The following ZNF804A variants were observed in gnomAD, a reference collection of about 807,000 sequenced individuals.
ZNF804A encodes the protein zinc finger protein 804A.
A neutral mutation model predicts 16.5 loss-of-function variants in ZNF804A; 2 were observed. That is an observed-to-expected ratio of 0.12 (90% CI 0.05 to 0.38). The LOEUF (loss-of-function observed/expected upper bound fraction) is 0.38. Among genes scored for constraint, ZNF804A ranks in the 10% least tolerant of loss-of-function variants. ZNF804A has a pLI of 0.99. For synonymous variants in ZNF804A, 534 were observed against 489.6 expected (o/e 1.09, Z -1.20); for missense variants, 1,473 against 1,390.7 (o/e 1.06, Z -0.94).
At chr2:184,757,384 C>T (rs774918180) in intron 1 of ZNF804A, among the ~76,000 whole-genome samples, 2 of 151,864 alleles carry the variant, frequency 1.3e-5, no homozygotes, top group African/African-American at 4.8e-5. Flanking sequence ...GCAGGTTACA[C>T]TTCCTTCATC....
At chr2:184,816,615 G>A (rs961065652) in intron 1 of ZNF804A, among the ~76,000 whole-genome samples, 1 of 151,808 alleles carries the variant, frequency 6.6e-6, no homozygotes, top group East Asian at 1.9e-4. Context: ...CCATAAACAT[G>A]GTCAAAACTG....
rs565145249 is a variant in ZNF804A, at chr2:184,901,326, A to G, written c.256-32277A>G. On this transcript the variant is annotated intron_variant, in intron 2 of 3. Coordinates refer to ENST00000302277, the MANE Select transcript of ZNF804A (RefSeq NM_194250.2). ...CTTCAGATCATAATGCAGGTCTGAAACTTGTTTAGAAGAGAGTGAAGGGAA... is the reference window on the plus strand; with the variant it reads ...CTTCAGATCATAATGCAGGTCTGAAGCTTGTTTAGAAGAGAGTGAAGGGAA... Among the ~76,000 whole-genome samples the G allele has an allele frequency of 8.5e-5, 13 of 152,262 alleles. 1 individual carries two copies. The highest frequency in any genetic ancestry group is 3.1e-4 in the African/African-American group (13 of 41,568).
intron 1 of ZNF804A, among the ~76,000 whole-genome samples, chr2:184,672,652 T>G (rs1177456096): frequency 1.3e-5 from 2 of 152,336 alleles, no homozygotes; most frequent in African/African-American, 4.8e-5. Flanking sequence ...CATAGTAGTT[T>G]TGTGAGAACA....
intron 1 of ZNF804A, among the ~76,000 whole-genome samples, chr2:184,822,358 A>G (rs1033655351): frequency 6.6e-6 from 1 of 152,118 alleles, no homozygotes; most frequent in Admixed American, 6.6e-5. Context: ...GAACTGATCT[A>G]TGAAAACATC....
intron 1 of ZNF804A, among the ~76,000 whole-genome samples, chr2:184,660,610 CTA>C (rs1216880585): frequency 2.6e-5 from 4 of 152,184 alleles, no homozygotes; most frequent in Admixed American, 6.5e-5. Flanking sequence ...ATCTCTCATA[CTA>C]TGTCAAATGT....
intron 1 of ZNF804A, among the ~76,000 whole-genome samples, chr2:184,762,162 C>G (rs1001464609): frequency 1.3e-5 from 2 of 150,706 alleles, no homozygotes; most frequent in Admixed American, 6.6e-5. Context: ...TCTGATTTCT[C>G]TGTTTTGGAT....
intron 1 of ZNF804A, among the ~76,000 whole-genome samples, chr2:184,639,612 A>T (rs1174358773): frequency 2.0e-5 from 3 of 152,234 alleles, no homozygotes. Context: ...AAAATATATT[A>T]AAATAACAAA....
intron 1 of ZNF804A, among the ~76,000 whole-genome samples, chr2:184,659,547 TTATGA>T: frequency 6.6e-6 from 1 of 152,118 alleles, no homozygotes; most frequent in Non-Finnish European, 1.5e-5. Context: ...TAAAAACACA[TTATGA>T]TATAGATATT....
chr2:184,786,110 A>T (rs1694445657), intron 1 of ZNF804A, among the ~76,000 whole-genome samples: 1 of 152,066 alleles, frequency 6.6e-6, no homozygotes, highest in Non-Finnish European at 1.5e-5. Context: ...TTCCAAAGAA[A>T]ATCCTAACTC....
chr2:184,876,432 G>A (rs184874718), intron 2 of ZNF804A, among the ~76,000 whole-genome samples: 5 of 151,876 alleles, frequency 3.3e-5, no homozygotes. Flanking sequence ...TTGAACTTCT[G>A]ATGGTTTTTA....
At chr2:184,784,381 A>G (rs1054412952) in intron 1 of ZNF804A, among the ~76,000 whole-genome samples, 1 of 152,016 alleles carries the variant, frequency 6.6e-6, no homozygotes, top group Non-Finnish European at 1.5e-5. Context: ...CATACTACAT[A>G]TTACTATATT....
chr2:184,742,729 T>G (rs1693727135), intron 1 of ZNF804A, among the ~76,000 whole-genome samples: 1 of 151,428 alleles, frequency 6.6e-6, no homozygotes, highest in African/African-American at 2.4e-5. Context: ...AATAGATAAA[T>G]AAATATATAT....
chr2:184,736,800 C>T (rs1001124829), intron 1 of ZNF804A, among the ~76,000 whole-genome samples: 2 of 150,000 alleles, frequency 1.3e-5, no homozygotes, highest in Admixed American at 6.6e-5. Context: ...TAGGTGATCT[C>T]ATTTATAAAT....
intron 1 of ZNF804A, among the ~76,000 whole-genome samples, chr2:184,854,140 G>C (rs2105805591): frequency 6.6e-6 from 1 of 151,886 alleles, no homozygotes; most frequent in Non-Finnish European, 1.5e-5. Flanking sequence ...ATTACAGGTG[G>C]AGTGTCCCTA....
intron 1 of ZNF804A, among the ~76,000 whole-genome samples, chr2:184,789,642 T>G (rs1694502973): frequency 6.6e-6 from 1 of 152,160 alleles, no homozygotes; most frequent in African/African-American, 2.4e-5. Flanking sequence ...CATAGAAATC[T>G]CTGATGATCT....
intron 1 of ZNF804A, among the ~76,000 whole-genome samples, chr2:184,622,854 C>T (rs1691440292): frequency 6.6e-6 from 1 of 151,828 alleles, no homozygotes; most frequent in South Asian, 2.1e-4. Context: ...TTTTCAGTGC[C>T]TATAAGTGTA....
chr2:184,882,521 A>C (rs1403994811), intron 2 of ZNF804A, among the ~76,000 whole-genome samples: 1 of 152,050 alleles, frequency 6.6e-6, no homozygotes, highest in Admixed American at 6.6e-5. Context: ...TCATTTTCAC[A>C]TGGCACATAC....
chr2:184,912,243 C>G (rs764676450), intron 2 of ZNF804A, among the ~76,000 whole-genome samples: 3 of 151,956 alleles, frequency 2.0e-5, no homozygotes, highest in Admixed American at 6.6e-5. Flanking sequence ...TTGAATTATA[C>G]AGTATATGAC....
chr2:184,606,984 G>A (rs188604476), intron 1 of ZNF804A, among the ~76,000 whole-genome samples: 1 of 152,174 alleles, frequency 6.6e-6, no homozygotes, highest in Admixed American at 6.5e-5. Context: ...ATCTCACTTG[G>A]ATTTAATAGG....
Sources: gnomAD v4.1 joint callset for allele counts (sites outside exome capture counted in the v4.1 genomes callset) on GRCh38, gnomAD v4.1.1 for gene constraint, MANE v1.5 for transcripts, NCBI Gene and HGNC (gene_info 2026-07-23, HGNC 2026-07-21) for gene names.